Variants in SEC24B observed in about 807,000 individuals in gnomAD.
The protein encoded by SEC24B is SEC24 homolog B, COPII component.
SEC24B carries 45 observed loss-of-function variants against 142.8 expected under a neutral mutation model. The observed-to-expected ratio is 0.32, with a 90% CI of 0.25 to 0.40. The LOEUF (loss-of-function observed/expected upper bound fraction) is 0.40, where lower values mean the gene tolerates loss of function less well. Ranked by LOEUF, SEC24B falls within the 10% of genes least tolerant of loss-of-function variation. The pLI, the probability that SEC24B is intolerant of heterozygous loss-of-function variation, is 1.00. For synonymous variants in SEC24B, 574 were observed against 568.2 expected (o/e 1.01, Z -0.15); for missense variants, 1,409 against 1,526.8 (o/e 0.92, Z 1.29).
Position 109,540,217 on chromosome 4 carries a change from T to C in SEC24B, c.*542T>C, listed in dbSNP as rs1318433109. ...ACTATAGAAAAAAATCTATATATAA[T>C]GTACATAAATGTTACATTTGTAAAG... On this transcript the variant is annotated 3_prime_UTR_variant, in exon 24 of 24. Coordinates refer to ENST00000265175, the MANE Select transcript of SEC24B (RefSeq NM_006323.5). 6.5e-6 allele frequency: 1 copy of C among 152,696 alleles called. No individual in the cohort carries two copies. Among genetic ancestry groups the C allele is most frequent in the Non-Finnish European group, 1.5e-5 (1 of 68,088 alleles). 9.5% of individuals were successfully genotyped at this position (152,696 alleles called of 1,614,324 possible).
At chr4:109,440,281 T>C (rs1206306457) in intron 1 of SEC24B, among the ~76,000 whole-genome samples, 14 of 152,228 alleles carry the variant, frequency 9.2e-5, no homozygotes, top group Admixed American at 2.0e-4. Context: ...ATTGTAGCAG[T>C]AATTAATTTT....
chr4:109,527,575 A>C, intron 18 of SEC24B, 143 bp downstream of exon 18: 1 of 599,654 alleles, frequency 1.7e-6, no homozygotes, highest in Non-Finnish European at 2.9e-6. Context: ...GTTTGAGACC[A>C]GGCTGGCCAA....
rs201765379 is a variant in SEC24B, at chr4:109,537,671, G to C, written c.3589-822G>C. On this transcript the variant is annotated intron_variant, in intron 22 of 23. Coordinates refer to ENST00000265175, the MANE Select transcript of SEC24B (RefSeq NM_006323.5). ...CCATCTCTTAAAAAGAAAAAAAGAA[G>C]AAGAATACAGCCTGAAGTGAATAAT... Among the ~76,000 whole-genome samples the C allele has an allele frequency of 2.6e-5, 4 of 152,148 alleles. No individual in the cohort carries two copies. The East Asian group carries it at 7.7e-4, about 29-fold the overall frequency.
chr4:109,531,581 T>C (rs1288495505), intron 20 of SEC24B, 59 bp downstream of exon 20: 2 of 1,301,136 alleles, frequency 1.5e-6, no homozygotes, highest in Non-Finnish European at 2.2e-6. Context: ...TGTCTTGTTC[T>C]ACAGCTAAGA....
At chr4:109,456,261 GCATTTTTTGGAA>G (rs1206256890) in intron 1 of SEC24B, among the ~76,000 whole-genome samples, 1 of 148,860 alleles carries the variant, frequency 6.7e-6, no homozygotes, top group East Asian at 1.9e-4. Context: ...TTAATTCCAG[GCATTTTTTGGAA>G]GATTTTTTTG....
intron 22 of SEC24B, among the ~76,000 whole-genome samples, chr4:109,534,362 A>C (rs1725267291): frequency 6.6e-6 from 1 of 152,076 alleles, no homozygotes; most frequent in Non-Finnish European, 1.5e-5. Flanking sequence ...AGAGGCAGGC[A>C]GATCACAAAG....
At chr4:109,437,346 C>T (rs1291877754) in intron 1 of SEC24B, among the ~76,000 whole-genome samples, 1 of 151,970 alleles carries the variant, frequency 6.6e-6, no homozygotes, top group African/African-American at 2.4e-5. Context: ...GTCAGTGACT[C>T]CATCATAGCT....
chr4:109,476,294 C>T (rs530639512), intron 3 of SEC24B, among the ~76,000 whole-genome samples: 1 of 152,174 alleles, frequency 6.6e-6, no homozygotes, highest in South Asian at 2.1e-4. Flanking sequence ...CCAATCACTA[C>T]AGCTTTTATT....
intron 6 of SEC24B, among the ~76,000 whole-genome samples, chr4:109,505,845 A>T (rs1736622764): frequency 6.6e-6 from 1 of 152,230 alleles, no homozygotes; most frequent in South Asian, 2.1e-4. Context: ...TAGTTTGAAC[A>T]TCATAAGAAT....
chr4:109,447,149 G>A (rs1174135813), intron 1 of SEC24B, among the ~76,000 whole-genome samples: 5 of 152,106 alleles, frequency 3.3e-5, no homozygotes, highest in Non-Finnish European at 7.4e-5. Context: ...GGGTATTTTG[G>A]AAGGTTCCAT....
At position 109,479,920 on chromosome 4, in the gene SEC24B, A is replaced by C. The variant is rs193013195; in HGVS notation, c.1061-1757A>C. Among the ~76,000 whole-genome samples, 629 of 152,308 alleles carry C rather than the reference A, an allele frequency of 4.1e-3. 3 individuals carry two copies. Among genetic ancestry groups the C allele is most frequent in the African/African-American group, 0.014 (587 of 41,574 alleles). ...ATTCGTTTTAATTGGGCTTTTTGTC[A>C]GAAGAATGTGCCACTCTGAATTTGT... On this transcript the variant is annotated intron_variant, in intron 3 of 23. Transcript: ENST00000265175.
intron 1 of SEC24B, among the ~76,000 whole-genome samples, chr4:109,441,591 C>G (rs1487524861): frequency 1.3e-5 from 2 of 152,004 alleles, no homozygotes; most frequent in African/African-American, 4.8e-5. Context: ...GCCACTATGC[C>G]CAGCTAATTT....
In SEC24B at chr4:109,506,376, C is replaced by T. The variant is rs758546508; in HGVS notation, c.1537C>T (p.Leu513Phe). Reference protein sequence around the residue: ...QLSSSIGGLSLQSSPQPESLR... With the variant: ...QLSSSIGGLSFQSSPQPESLR... Reference sequence around the variant, plus strand: ...ATCCTCCAGTATAGGAGGATTGAGTCTTCAGAGTTCTCCACAACCAGAAAG... The same window carrying T: ...ATCCTCCAGTATAGGAGGATTGAGTTTTCAGAGTTCTCCACAACCAGAAAG... Residue 513 changes from leucine to phenylalanine, a missense_variant, in exon 7 of 24, where the codon CTT (leucine) becomes TTT (phenylalanine). Transcript: ENST00000265175. 20 of 1,609,266 alleles carry T rather than the reference C, an allele frequency of 1.2e-5. No individual in the cohort carries two copies. The highest frequency in any genetic ancestry group is 3.3e-4 in the Middle Eastern group (2 of 6,030).
intron 21 of SEC24B, among the ~76,000 whole-genome samples, 164 bp downstream of exon 21, chr4:109,532,907 T>C (rs183278884): frequency 1.6e-4 from 25 of 152,344 alleles, no homozygotes; most frequent in Admixed American, 8.5e-4. Context: ...CTTTAAACTT[T>C]TCTATTTGGA....
chr4:109,487,126 C>G (rs1734442435), intron 4 of SEC24B, among the ~76,000 whole-genome samples: 1 of 145,262 alleles, frequency 6.9e-6, no homozygotes, highest in South Asian at 2.2e-4. Context: ...GATCACGCCA[C>G]TGCACTACAG....
chr4:109,520,570 C>A, intron 12 of SEC24B, 86 bp downstream of exon 12: 1 of 791,030 alleles, frequency 1.3e-6, no homozygotes, highest in Non-Finnish European at 2.2e-6. Context: ...TTGCTATATG[C>A]TGTGAGGATA....
chr4:109,462,987 G>A lies in SEC24B; in HGVS notation c.220G>A (p.Gly74Arg), dbSNP rs754294949. The A allele has an allele frequency of 6.2e-7, 1 of 1,613,976 alleles. No homozygotes were observed. The highest frequency in any genetic ancestry group is 8.5e-7 in the Non-Finnish European group (1 of 1,179,998). The change falls in exon 2 of 24, where the codon GGA (glycine) becomes AGA (arginine). Residue 74 changes from glycine (G) to arginine (R), a missense_variant. By Grantham distance (125) the Gly-to-Arg change is moderately radical. Coordinates refer to ENST00000265175, the MANE Select transcript of SEC24B (RefSeq NM_006323.5). ...TGCTCCCTCAGGACATTACTCTCAA[G>A]GACCTGGGAAAATGACCTCATTGCC... ...YIAPSGHYSQ[G>R]PGKMTSLPLD...
intron 8 of SEC24B, among the ~76,000 whole-genome samples, 188 bp downstream of exon 8, chr4:109,510,299 G>A (rs1737179790): frequency 6.6e-6 from 1 of 152,072 alleles, no homozygotes; most frequent in African/African-American, 2.4e-5. Context: ...ACTAAGCACT[G>A]GTAGTACAGA....
At chr4:109,489,644 ATATATATGG>A (rs927194761) in intron 4 of SEC24B, among the ~76,000 whole-genome samples, 1 of 79,838 alleles carries the variant, frequency 1.3e-5, no homozygotes. Context: ...TATATATATG[ATATATATGG>A]TATATATATG....
Sources: allele counts gnomAD v4.1 joint callset (sites outside exome capture counted in the v4.1 genomes callset), GRCh38; gene constraint gnomAD v4.1.1; transcripts MANE v1.5; gene names NCBI Gene and HGNC (gene_info 2026-07-23, HGNC 2026-07-21).